Variants in ITGA2B observed in about 807,000 individuals in gnomAD.
The protein encoded by ITGA2B is integrin alpha-IIb.
ITGA2B carries 91 observed loss-of-function variants against 142.0 expected under a neutral mutation model. The ratio of observed to expected loss-of-function variants is 0.64; its 90% CI spans 0.54 to 0.76. The LOEUF (loss-of-function observed/expected upper bound fraction) is 0.76. Among genes scored for constraint, ITGA2B ranks in the 30% least tolerant of loss-of-function variants. The pLI, the probability that ITGA2B is intolerant of heterozygous loss-of-function variation, is 0.00. For synonymous variants in ITGA2B, 536 were observed against 567.2 expected, an observed-to-expected ratio of 0.94 and a Z score of 0.78; for missense variants, 1,231 against 1,350.8, an observed-to-expected ratio of 0.91 and a Z score of 1.39.
In ITGA2B at chr17:44,379,785, G is replaced by A; in HGVS notation, c.1782C>T (p.Ser594=). 1.2e-6 allele frequency: 2 copies of A among 1,613,934 alleles called. No individual in the cohort carries two copies. Among genetic ancestry groups the A allele is most frequent in the Non-Finnish European group, 1.7e-6 (2 of 1,180,032 alleles). ...ACACATTGAGGCTGAGCACAATGGGGCTCAGCTTGTCCCGGAAGTCTGCCT... is the reference window on the plus strand; with the variant it reads ...ACACATTGAGGCTGAGCACAATGGGACTCAGCTTGTCCCGGAAGTCTGCCT... ...RDEADFRDKL[S]PIVLSLNVSL... is the part of the protein sequence containing the mutation. The change falls in exon 18 of 30, where the codon AGC becomes AGT. Residue 594 remains serine (S), a synonymous_variant. Transcript: ENST00000262407.
At chr17:44,373,994 C>CGTA in intron 29 of ITGA2B, 212 of 259,710 alleles carry the variant, frequency 8.2e-4, no homozygotes, top group South Asian at 2.2e-3. Context: ...CAACCTCCGC[C>CGTA]TCCTGGGTTC....
At chr17:44,376,050 C>T (rs1160934971) in intron 24 of ITGA2B, 35 bp downstream of exon 24, 2 of 1,614,132 alleles carry the variant, frequency 1.2e-6, no homozygotes, top group South Asian at 2.2e-5. Flanking sequence ...TGAGGACCCG[C>T]TCACCCCAGC....
At chr17:44,374,031 G>A (rs867778526) in intron 29 of ITGA2B, 2 of 355,566 alleles carry the variant, frequency 5.6e-6, no homozygotes, top group Non-Finnish European at 1.1e-5. Flanking sequence ...TCAGCCTCCC[G>A]AGTAGCTGAG....
intron 12 of ITGA2B, among the ~76,000 whole-genome samples, chr17:44,382,352 G>GA (rs767809938): frequency 3.2e-4 from 47 of 148,636 alleles, no homozygotes; most frequent in Admixed American, 2.3e-3. Context: ...CAAACCTGTT[G>GA]AAAGAGCTGT....
At chr17:44,375,141 C>T (rs1213199008) in intron 26 of ITGA2B, 30 bp from the exon 27 acceptor site, 51 of 1,525,490 alleles carry the variant, frequency 3.3e-5, no homozygotes, top group Non-Finnish European at 4.3e-5. Context: ...GTCCCCAGCC[C>T]GTCCCGGCCC....
At position 44,376,169 on chromosome 17, in the gene ITGA2B, G is replaced by A; in HGVS notation, c.2364C>T (p.Ala788=). Residue 788 remains alanine (A), a synonymous_variant, in exon 24 of 30, where the codon GCC becomes GCT. Transcript: ENST00000262407. ...CTTCTTCTGCTGCCACCACCAGGGA[G>A]GCTGGAAAGGAGTTCCTGCAGGTGC... The part of the protein sequence containing the change: ...QVELRGNSFP[A]SLVVAAEEGE... 6.2e-7 allele frequency: 1 copy of A among 1,614,188 alleles called. No individual in the cohort carries two copies. Among genetic ancestry groups the A allele is most frequent in the South Asian group, 1.1e-5 (1 of 91,084 alleles).
intron 26 of ITGA2B, 54 bp from the exon 27 acceptor site, chr17:44,375,165 C>T: frequency 2.1e-6 from 3 of 1,447,374 alleles, no homozygotes; most frequent in South Asian, 2.4e-5. Context: ...ACCCCATCAT[C>T]CCCCACCCCC....
In ITGA2B at chr17:44,385,696, G is replaced by A. The variant is rs1567905840; in HGVS notation, c.429C>T (p.His143=). The part of the protein sequence containing the change: ...DVIVACAPWQ[H]WNVLEKTEEA... ...CCTCAGTCTTTTCTAGGACGTTCCA[G>A]TGCTGCCAGGGGGCGCAGGCCTGGA... is the stretch of plus-strand genomic sequence containing the variant. The change falls in exon 4 of 30, where the codon CAC becomes CAT. Residue 143 remains histidine (H), a synonymous_variant. Coordinates refer to ENST00000262407, the MANE Select transcript of ITGA2B (RefSeq NM_000419.5). 1 of 1,613,578 alleles carries A rather than the reference G, an allele frequency of 6.2e-7. No individual in the cohort carries two copies. Among genetic ancestry groups the A allele is most frequent in the African/African-American group, 1.3e-5 (1 of 74,940 alleles).
intron 18 of ITGA2B, 119 bp downstream of exon 18, chr17:44,379,570 A>G: frequency 6.6e-7 from 1 of 1,521,108 alleles, no homozygotes; most frequent in Non-Finnish European, 9.1e-7. Flanking sequence ...TGAGGTTTTC[A>G]TTAGGGTTTG....
rs780500849 is a variant in ITGA2B, at chr17:44,378,404, C to G, written c.2052G>C (p.Leu684=). 2.3e-5 allele frequency: 37 copies of G among 1,613,456 alleles called. No homozygotes were observed. Among genetic ancestry groups the G allele is most frequent in the Non-Finnish European group, 3.1e-5 (37 of 1,179,934 alleles). Residue 684 remains leucine, a synonymous_variant, in exon 20 of 30, where the codon CTG becomes CTC. Transcript: ENST00000262407. The stretch of plus-strand genomic sequence containing the variant: ...CCCGCATGTAGTGGGCGCCCTGGGG[C>G]AGGTGCACGGCCAGCTCTGCTTCAT... ...GAYEAELAVH[L]PQGAHYMRAL...
rs767428437 is a variant in ITGA2B at position 44,384,563 on chromosome 17, C to T, written c.822G>A (p.Glu274=). 1.9e-6 allele frequency: 3 copies of T among 1,614,096 alleles called. No homozygotes were observed. Among genetic ancestry groups the T allele is most frequent in the African/African-American group, 2.7e-5 (2 of 75,062 alleles). ...GYWGYSVAVG[E]FDGDLNTTEY... ...CTGTAGTGTTGAGATCCCCGTCGAA[C>T]TCGCCCACGGCCACCGAGTACCCTG... Residue 274 remains glutamate (E), a synonymous_variant, in exon 8 of 30, where the codon GAG becomes GAA. Coordinates refer to ENST00000262407, the MANE Select transcript of ITGA2B (RefSeq NM_000419.5).
chr17:44,389,265 C>G, intron 1 of ITGA2B, 21 bp downstream of exon 1: 1 of 1,613,878 alleles, frequency 6.2e-7, no homozygotes, highest in Admixed American at 1.7e-5. Context: ...TCCCAATACC[C>G]CAACTTCCCT....
rs980395817 is a variant in ITGA2B at position 44,387,826 on chromosome 17, CAAAAAAAAAAAA to C, written c.188+1448_188+1459del. On this transcript the variant is annotated intron_variant, in intron 1 of 29. Coordinates refer to ENST00000262407, the MANE Select transcript of ITGA2B (RefSeq NM_000419.5). ...GGGCAACAAGAGCGAAACCCCATCT[CAAAAAAAAAAAA>C]AAAAAAAAAAAAAAAAGAAGAAGAA... is the stretch of plus-strand genomic sequence containing the variant. Among the ~76,000 whole-genome samples the C allele has an allele frequency of 2.4e-4, 6 of 24,578 alleles. 1 individual carries two copies. Among genetic ancestry groups the C allele is most frequent in the South Asian group, 5.1e-3 (2 of 396 alleles). 16.1% of individuals were successfully genotyped at this position (24,578 alleles called of 152,430 possible).
At chr17:44,384,516 C>T in intron 8 of ITGA2B, 22 bp downstream of exon 8, 1 of 1,614,028 alleles carries the variant, frequency 6.2e-7, no homozygotes, top group Non-Finnish European at 8.5e-7. Flanking sequence ...TACCCAACTC[C>T]CGCCCTAAGT....
chr17:44,388,331 C>T (rs1229757873), intron 1 of ITGA2B, among the ~76,000 whole-genome samples: 1 of 150,302 alleles, frequency 6.7e-6, no homozygotes, highest in Non-Finnish European at 1.5e-5. Context: ...AGGACATGTG[C>T]TCCTCTCCAC....
intron 4 of ITGA2B, 39 bp from the exon 5 acceptor site, chr17:44,385,374 A>G (rs200684076): frequency 3.8e-5 from 60 of 1,595,346 alleles, no homozygotes; most frequent in Admixed American, 5.2e-5. Flanking sequence ...GCAGGGGTGA[A>G]GGGAGGCGCG....
chr17:44,379,113 A>AT lies in ITGA2B; in HGVS notation c.1879-404dup, dbSNP rs540432584. Among the ~76,000 whole-genome samples, 727 of 137,960 alleles carry AT rather than the reference A, an allele frequency of 5.3e-3. 5 individuals carry two copies. Among genetic ancestry groups the AT allele is most frequent in the African/African-American group, 0.013 (470 of 37,534 alleles). 90.5% of individuals were successfully genotyped at this position (137,960 alleles called of 152,430 possible). Reference sequence around the variant, plus strand: ...AGGTACCCGCCACCACGCCCAGCTAATTTTTTTTTTTTTTTTGTATTTTTA... The same window carrying AT: ...AGGTACCCGCCACCACGCCCAGCTAATTTTTTTTTTTTTTTTTGTATTTTTA... On this transcript the variant is annotated intron_variant, in intron 18 of 29. Coordinates refer to ENST00000262407, the MANE Select transcript of ITGA2B (RefSeq NM_000419.5).
chr17:44,383,740 C>T (rs758021159), intron 11 of ITGA2B, 36 bp from the exon 12 acceptor site: 8 of 1,555,954 alleles, frequency 5.1e-6, no homozygotes, highest in East Asian at 4.8e-5. Context: ...GGGACTGGAC[C>T]AGGGGTATAT....
chr17:44,374,984 A>AC lies in ITGA2B; in HGVS notation c.2841+13dup. 3 of 980,882 alleles carry AC rather than the reference A, an allele frequency of 3.1e-6. No homozygotes were observed. The highest frequency in any genetic ancestry group is 4.2e-6 in the Non-Finnish European group (3 of 719,976). 60.8% of individuals were successfully genotyped at this position (980,882 alleles called of 1,614,324 possible). A position where few individuals can be genotyped will look rare whatever the true frequency, so the allele number is the denominator to read the frequency against. ...CCAGAAGGCCCGGCCCCGCCCCACC[A>AC]CGGCCCACCCCACCTGGTAGAGGCT... On this transcript the variant is annotated intron_variant, in intron 27 of 29. Transcript: ENST00000262407.
Sources: gnomAD v4.1 joint callset for allele counts (sites outside exome capture counted in the v4.1 genomes callset) on GRCh38, gnomAD v4.1.1 for gene constraint, MANE v1.5 for transcripts, NCBI Gene and HGNC (gene_info 2026-07-23, HGNC 2026-07-21) for gene names.